The following ASTN1 variants were observed in gnomAD, a reference collection of about 807,000 sequenced individuals.
The protein encoded by ASTN1 is astrotactin-1.
Under a neutral mutation model 140.7 loss-of-function variants are expected in ASTN1, and 41 were observed. That is an observed-to-expected ratio of 0.29 (90% confidence interval 0.23 to 0.38). The LOEUF (loss-of-function observed/expected upper bound fraction) is 0.38. Among genes scored for constraint, ASTN1 ranks in the 10% least tolerant of loss-of-function variants. The probability of loss-of-function intolerance (pLI) is 1.00; values close to 1 mark genes in which losing one functional copy is unlikely to be tolerated. For synonymous variants in ASTN1, 640 were observed against 652.2 expected, an observed-to-expected ratio of 0.98 and a Z score of 0.29; for missense variants, 1,479 against 1,678.8, an observed-to-expected ratio of 0.88 and a Z score of 2.08.
chr1:177,071,522 T>G (rs1180384795), intron 1 of ASTN1, among the ~76,000 whole-genome samples: 1 of 152,232 alleles, frequency 6.6e-6, no homozygotes, highest in Non-Finnish European at 1.5e-5. Flanking sequence ...CCTTCCATTC[T>G]CATCCTCATT....
intron 16 of ASTN1, among the ~76,000 whole-genome samples, chr1:176,911,285 C>G (rs1253022149): frequency 6.6e-6 from 1 of 152,178 alleles, no homozygotes; most frequent in Non-Finnish European, 1.5e-5. Flanking sequence ...TAGGGCATTA[C>G]AGTACACTCC....
intron 20 of ASTN1, among the ~76,000 whole-genome samples, chr1:176,880,258 G>C: frequency 6.6e-6 from 1 of 152,174 alleles, no homozygotes; most frequent in East Asian, 1.9e-4. Flanking sequence ...TTAAAGGCCT[G>C]AAACTTGATG....
In ASTN1 at chr1:177,010,458, A is replaced by C. The variant is rs1675235826; in HGVS notation, c.1523+4333T>G. 2.6e-5 allele frequency among the ~76,000 whole-genome samples: 4 copies of C among 152,248 alleles called. No individual in the cohort carries two copies. The South Asian group carries it at 8.3e-4, about 32-fold the overall frequency. On this transcript the variant is annotated intron_variant, in intron 8 of 22. Coordinates refer to ENST00000361833, the MANE Select transcript of ASTN1 (RefSeq NM_004319.3). ...TGCCAACCTCAAAGACCAAGGCTGT[A>C]ACCTCAAACATTCCATGTTCTTTTA...
intron 8 of ASTN1, among the ~76,000 whole-genome samples, chr1:176,978,283 T>A (rs1269415880): frequency 3.3e-5 from 5 of 152,130 alleles, no homozygotes; most frequent in African/African-American, 1.2e-4. Flanking sequence ...GGGTAGCGAA[T>A]GGGGAGCCAC....
At chr1:176,979,934 C>A (rs1459401242) in intron 8 of ASTN1, among the ~76,000 whole-genome samples, 2 of 152,116 alleles carry the variant, frequency 1.3e-5, no homozygotes, top group Non-Finnish European at 2.9e-5. Context: ...CCAGCATCAA[C>A]AATCTTTAAG....
intron 16 of ASTN1, 105 bp from the exon 17 acceptor site, chr1:176,894,935 C>T (rs1459368306): frequency 6.8e-7 from 1 of 1,475,798 alleles, no homozygotes; most frequent in African/African-American, 1.4e-5. Flanking sequence ...GGATCAGAAA[C>T]AGCCACTGAA....
At chr1:176,960,951 C>T (rs1040144661) in intron 9 of ASTN1, among the ~76,000 whole-genome samples, 1 of 152,068 alleles carries the variant, frequency 6.6e-6, no homozygotes, top group Non-Finnish European at 1.5e-5. Context: ...GACTCAGAGC[C>T]CCTTGTTGCT....
chr1:177,162,261 G>A (rs1647422644), intron 1 of ASTN1, among the ~76,000 whole-genome samples: 1 of 152,198 alleles, frequency 6.6e-6, no homozygotes, highest in South Asian at 2.1e-4. Context: ...CACCCAAACT[G>A]AAATTCATTC....
chr1:177,118,700 T>C (rs1681221112), intron 1 of ASTN1, among the ~76,000 whole-genome samples: 1 of 152,180 alleles, frequency 6.6e-6, no homozygotes, highest in South Asian at 2.1e-4. Context: ...CTGTCCACCC[T>C]CTCAGGCTCC....
chr1:177,133,128 A>G (rs1344746879), intron 1 of ASTN1, among the ~76,000 whole-genome samples: 2 of 152,246 alleles, frequency 1.3e-5, no homozygotes, highest in Non-Finnish European at 2.9e-5. Context: ...CACCTTAGTT[A>G]TCTAACTAAG....
intron 1 of ASTN1, among the ~76,000 whole-genome samples, chr1:177,077,511 G>A (rs923675331): frequency 6.6e-6 from 1 of 152,166 alleles, no homozygotes; most frequent in Non-Finnish European, 1.5e-5. Context: ...AAGTTGTTGT[G>A]AGGAAGAAAT....
chr1:177,103,293 T>C (rs1186606934), intron 1 of ASTN1, among the ~76,000 whole-genome samples: 1 of 152,202 alleles, frequency 6.6e-6, no homozygotes. Context: ...GGGGACTGAA[T>C]AGATCTAGAA....
chr1:177,100,254 T>G (rs1328176905), intron 1 of ASTN1, among the ~76,000 whole-genome samples: 1 of 152,208 alleles, frequency 6.6e-6, no homozygotes, highest in Non-Finnish European at 1.5e-5. Flanking sequence ...TATTTGGTGA[T>G]GCTTATGTTA....
At chr1:176,858,899 T>C (rs1412890639), downstream of ASTN1, among the ~76,000 whole-genome samples, 1 of 152,234 alleles carries the variant, frequency 6.6e-6, no homozygotes, top group Non-Finnish European at 1.5e-5. Context: ...AGACAGCCCT[T>C]GGTCAAAATG....
At chr1:177,147,135 C>T (rs1682752736) in intron 1 of ASTN1, among the ~76,000 whole-genome samples, 1 of 152,016 alleles carries the variant, frequency 6.6e-6, no homozygotes, top group Non-Finnish European at 1.5e-5. Flanking sequence ...ACAGTTTTTC[C>T]CACTACTGTT....
At chr1:177,004,284 G>A (rs557273368) in intron 8 of ASTN1, among the ~76,000 whole-genome samples, 31 of 151,848 alleles carry the variant, frequency 2.0e-4, no homozygotes, top group Non-Finnish European at 3.8e-4. Context: ...TCTCTACAGG[G>A]AGAACTCTAC....
At chr1:177,097,535 T>G (rs1680083992) in intron 1 of ASTN1, among the ~76,000 whole-genome samples, 1 of 152,222 alleles carries the variant, frequency 6.6e-6, no homozygotes, top group Non-Finnish European at 1.5e-5. Context: ...ATAAAAACTA[T>G]AGAAATATAT....
intron 11 of ASTN1, among the ~76,000 whole-genome samples, chr1:176,957,152 T>A (rs1370522290): frequency 6.6e-6 from 1 of 152,072 alleles, no homozygotes; most frequent in Admixed American, 6.6e-5. Flanking sequence ...GACTCTCTCA[T>A]CTCGGCCTCC....
chr1:177,130,322 G>A (rs1681882529), intron 1 of ASTN1, among the ~76,000 whole-genome samples: 1 of 152,126 alleles, frequency 6.6e-6, no homozygotes. Context: ...TCCTCCCAGA[G>A]TAGTGAGCAA....
Sources: allele counts gnomAD v4.1 joint callset (sites outside exome capture counted in the v4.1 genomes callset), GRCh38; gene constraint gnomAD v4.1.1; transcripts MANE v1.5; gene names NCBI Gene and HGNC (gene_info 2026-07-23, HGNC 2026-07-21).